The following PDGFC variants were observed in gnomAD, a reference collection of about 807,000 sequenced individuals.
The protein encoded by PDGFC is platelet-derived growth factor C.
Under a neutral mutation model 35.5 loss-of-function variants are expected in PDGFC, and 12 were observed. The ratio of observed to expected loss-of-function variants is 0.34; its 90% CI spans 0.22 to 0.55. PDGFC has a LOEUF of 0.55. Among genes scored for constraint, PDGFC ranks in the 20% least tolerant of loss-of-function variants. The pLI, the probability that PDGFC is intolerant of heterozygous loss-of-function variation, is 0.91. For synonymous variants in PDGFC, 159 were observed against 148.8 expected (o/e 1.07, Z -0.50); for missense variants, 322 against 412.4 (o/e 0.78, Z 1.90).
intron 1 of PDGFC, among the ~76,000 whole-genome samples, chr4:156,963,474 TAAAAC>T (rs1323547530): frequency 6.9e-6 from 1 of 145,954 alleles, no homozygotes; most frequent in Non-Finnish European, 1.5e-5. Context: ...GTCTCAAAAA[TAAAAC>T]AAAACAAAAC....
At chr4:156,927,955 G>T (rs746715210) in intron 1 of PDGFC, among the ~76,000 whole-genome samples, 1 of 152,128 alleles carries the variant, frequency 6.6e-6, no homozygotes, top group African/African-American at 2.4e-5. Context: ...AGTTCCACAT[G>T]GCTGAGGAGG....
chr4:156,935,276 G>A lies in PDGFC; in HGVS notation c.118+35510C>T, dbSNP rs142764243. Among the ~76,000 whole-genome samples, 1,444 of 152,294 alleles carry A rather than the reference G, an allele frequency of 9.5e-3. 19 individuals carry two copies. The highest frequency in any genetic ancestry group is 0.031 in the African/African-American group (1,291 of 41,556). On this transcript the variant is annotated intron_variant, in intron 1 of 5. Transcript: ENST00000502773. ...CTCCCTAAGTGCTGCCATTACAGGC[G>A]TGAGCCACCATGTCTGACTTACAGT...
chr4:156,881,228 T>C (rs1730233336), intron 1 of PDGFC, among the ~76,000 whole-genome samples: 1 of 152,194 alleles, frequency 6.6e-6, no homozygotes, highest in Admixed American at 6.5e-5. Flanking sequence ...AGCAAAAAGG[T>C]TACTACTTGC....
At position 156,824,319 on chromosome 4, in the gene PDGFC, T is replaced by TACACAC. The variant is rs61303991; in HGVS notation, c.315-13303_315-13302insGTGTGT. Among the ~76,000 whole-genome samples, 10 of 95,024 alleles carry TACACAC rather than the reference T, an allele frequency of 1.1e-4. 1 individual carries two copies. Among genetic ancestry groups the TACACAC allele is most frequent in the South Asian group, 9.1e-4 (3 of 3,288 alleles). The allele number at this position is 95,024 out of a possible 152,430, so 62.3% of individuals were successfully genotyped here. A position where few individuals can be genotyped will look rare whatever the true frequency, so the allele number is the denominator to read the frequency against. On this transcript the variant is annotated intron_variant, in intron 2 of 5. Coordinates refer to ENST00000502773, the MANE Select transcript of PDGFC (RefSeq NM_016205.3). ...ATATATATATATATATATATATATATATATATATACACACACACACACACA... is the reference window on the plus strand; with the variant it reads ...ATATATATATATATATATATATATATACACACATATATATACACACACACACACACA...
In PDGFC at chr4:156,784,475, G is replaced by A. The variant is rs1284888659; in HGVS notation, c.496-11582C>T. Among the ~76,000 whole-genome samples the A allele has an allele frequency of 3.9e-5, 6 of 152,220 alleles. No homozygotes were observed. In the East Asian group the frequency reaches 1.2e-3, roughly 29 times the overall value. On this transcript the variant is annotated intron_variant, in intron 3 of 5. Coordinates refer to ENST00000502773, the MANE Select transcript of PDGFC (RefSeq NM_016205.3). ...CCACAGGTGGTGTTCTGTGACCTTAGGAATAGAGAAGTTTCATCGAAGTAA... is the reference window on the plus strand; with the variant it reads ...CCACAGGTGGTGTTCTGTGACCTTAAGAATAGAGAAGTTTCATCGAAGTAA...
At chr4:156,966,547 A>G (rs1304479788) in intron 1 of PDGFC, among the ~76,000 whole-genome samples, 2 of 152,166 alleles carry the variant, frequency 1.3e-5, no homozygotes, top group African/African-American at 4.8e-5. Flanking sequence ...AAAGGGTGCA[A>G]AAGTTTATAG....
chr4:156,870,350 C>T (rs915485005), intron 1 of PDGFC, among the ~76,000 whole-genome samples: 2 of 152,092 alleles, frequency 1.3e-5, no homozygotes, highest in South Asian at 4.1e-4. Flanking sequence ...GAAAATAAAT[C>T]TTAAAGTGTT....
chr4:156,920,343 T>C (rs975208747), intron 1 of PDGFC, among the ~76,000 whole-genome samples: 2 of 152,180 alleles, frequency 1.3e-5, no homozygotes, highest in Admixed American at 1.3e-4. Flanking sequence ...TCTTATTTTC[T>C]CCATTTAACA....
chr4:156,874,405 G>T (rs1303012609), intron 1 of PDGFC, among the ~76,000 whole-genome samples: 2 of 152,024 alleles, frequency 1.3e-5, no homozygotes, highest in African/African-American at 4.8e-5. Flanking sequence ...TCCAACTTAA[G>T]CCTCTCCTTT....
chr4:156,933,716 T>C (rs1245078748), intron 1 of PDGFC, among the ~76,000 whole-genome samples: 1 of 151,844 alleles, frequency 6.6e-6, no homozygotes, highest in Admixed American at 6.6e-5. Context: ...TAGTGGGAGG[T>C]GACTGGATCA....
At chr4:156,937,445 A>G (rs1234220600) in intron 1 of PDGFC, among the ~76,000 whole-genome samples, 3 of 152,130 alleles carry the variant, frequency 2.0e-5, no homozygotes, top group Non-Finnish European at 2.9e-5. Flanking sequence ...CTCACTGGTA[A>G]CCCCAGCAAT....
At position 156,762,710 on chromosome 4, in the gene PDGFC, G is replaced by T. The variant is rs1425487; in HGVS notation, c.*380C>A. On this transcript the variant is annotated 3_prime_UTR_variant, in exon 6 of 6. Coordinates refer to ENST00000502773, the MANE Select transcript of PDGFC (RefSeq NM_016205.3). ...GAGTTAAGCAAGGCAACGGAATCAG[G>T]TGCTCACTTGCACAGTTTTTTTCCT... 584 of 158,596 alleles carry T rather than the reference G, an allele frequency of 3.7e-3. 3 individuals are homozygous for T. The highest frequency in any genetic ancestry group is 0.012 in the African/African-American group (520 of 41,690). 9.8% of individuals were successfully genotyped at this position (158,596 alleles called of 1,614,324 possible).
chr4:156,780,045 A>T (rs940959932), intron 3 of PDGFC, among the ~76,000 whole-genome samples: 1 of 152,010 alleles, frequency 6.6e-6, no homozygotes, highest in African/African-American at 2.4e-5. Flanking sequence ...CCATGGGATG[A>T]CTAAATAACA....
At chr4:156,927,471 G>A (rs965169016) in intron 1 of PDGFC, among the ~76,000 whole-genome samples, 1 of 152,120 alleles carries the variant, frequency 6.6e-6, no homozygotes, top group Admixed American at 6.6e-5. Context: ...ACAGCAGCCA[G>A]GTCACCTCTT....
chr4:156,861,474 T>C lies in PDGFC; in HGVS notation c.119-11058A>G, dbSNP rs775643715. 2.4e-6 allele frequency: 3 copies of C among 1,258,808 alleles called. No individual in the cohort carries two copies. In the South Asian group the frequency reaches 3.8e-5, roughly 16 times the overall value. 78.0% of individuals were successfully genotyped at this position (1,258,808 alleles called of 1,614,324 possible). On this transcript the variant is annotated intron_variant, in intron 1 of 5. Transcript: ENST00000502773. ...TCTTTTCTATGCCAGTCCAGATGCTTGGATATAGTTCCTACCTGCCAGTAG... is the reference window on the plus strand; with the variant it reads ...TCTTTTCTATGCCAGTCCAGATGCTCGGATATAGTTCCTACCTGCCAGTAG...
chr4:156,766,829 C>T (rs1028982971), intron 5 of PDGFC, among the ~76,000 whole-genome samples: 2 of 152,028 alleles, frequency 1.3e-5, no homozygotes, highest in Admixed American at 6.6e-5. Flanking sequence ...GCACTGGATT[C>T]GCGAAGACAA....
chr4:156,866,125 G>A (rs962297649), intron 1 of PDGFC, among the ~76,000 whole-genome samples: 2 of 152,072 alleles, frequency 1.3e-5, no homozygotes, highest in Admixed American at 6.6e-5. Flanking sequence ...CCCGAGGACA[G>A]TCCCCAGTGT....
intron 2 of PDGFC, among the ~76,000 whole-genome samples, chr4:156,846,915 C>T (rs17035307): frequency 0.06 from 9,035 of 151,770 alleles, 892 homozygotes; most frequent in African/African-American, 0.21. Flanking sequence ...TCAATATTGA[C>T]ATGTTAAGAG....
intron 2 of PDGFC, among the ~76,000 whole-genome samples, chr4:156,816,720 T>C (rs180726254): frequency 7.2e-4 from 109 of 152,288 alleles, no homozygotes; most frequent in Non-Finnish European, 1.1e-3. Flanking sequence ...GCCCATGCTC[T>C]TAAGTGCTAA....
Sources: gnomAD v4.1 joint callset for allele counts (sites outside exome capture counted in the v4.1 genomes callset) on GRCh38, gnomAD v4.1.1 for gene constraint, MANE v1.5 for transcripts, NCBI Gene and HGNC (gene_info 2026-07-23, HGNC 2026-07-21) for gene names.